The following SLC22A7 variants were observed in gnomAD, a reference collection of about 807,000 sequenced individuals.
SLC22A7 encodes the protein solute carrier family 22 member 7.
SLC22A7 carries 48 observed loss-of-function variants against 62.2 expected under a neutral mutation model. The observed-to-expected ratio is 0.77, with a 90% CI of 0.61 to 0.98. SLC22A7 has a LOEUF of 0.98. SLC22A7 is among the 50% of genes least tolerant of loss of function. The pLI, the probability that SLC22A7 is intolerant of heterozygous loss-of-function variation, is 0.00. For missense variants in SLC22A7, 581 were observed against 703.8 expected (o/e 0.83, Z 1.97); for synonymous variants, 276 against 314.8 (o/e 0.88, Z 1.30).
In SLC22A7 at chr6:43,301,231, A is replaced by C. The variant is rs773152838; in HGVS notation, c.924A>C (p.Pro308=). The part of the protein sequence containing the change: ...LLHCARLNGR[P]VCEDSFSQEA... ...ACTGTGCCAGGCTCAATGGGCGGCC[A>C]GTGTGTGAGGACAGCTTCAGCCAGG... Residue 308 remains proline (P), a synonymous_variant, in exon 6 of 11, where the codon CCA becomes CCC. Coordinates refer to ENST00000372585, the MANE Select transcript of SLC22A7 (RefSeq NM_153320.2). 1 of 1,614,188 alleles carries C rather than the reference A, an allele frequency of 6.2e-7. No individual in the cohort carries two copies. Among genetic ancestry groups the C allele is most frequent in the East Asian group, 2.2e-5 (1 of 44,890 alleles).
chr6:43,304,745 C>G lies in SLC22A7; in HGVS notation c.*20C>G. On this transcript the variant is annotated 3_prime_UTR_variant, in exon 11 of 11. Coordinates refer to ENST00000372585, the MANE Select transcript of SLC22A7 (RefSeq NM_153320.2). Reference sequence around the variant, plus strand: ...AACTAAGTGGGAGTGGAGGCAGGCCCTCCACAGAAGCTCTGCAGCAGGGGC... The same window carrying G: ...AACTAAGTGGGAGTGGAGGCAGGCCGTCCACAGAAGCTCTGCAGCAGGGGC... The G allele has an allele frequency of 6.5e-7, 1 of 1,543,928 alleles. No individual in the cohort carries two copies. The highest frequency in any genetic ancestry group is 8.8e-7 in the Non-Finnish European group (1 of 1,137,516).
At position 43,298,413 on chromosome 6, in the gene SLC22A7, C is replaced by T. The variant is rs751135607; in HGVS notation, c.55C>T (p.Arg19Trp). 46 of 1,613,916 alleles carry T rather than the reference C, an allele frequency of 2.9e-5. No individual in the cohort carries two copies. Among genetic ancestry groups the T allele is most frequent in the Non-Finnish European group, 3.5e-5 (41 of 1,180,002 alleles). The change falls in exon 1 of 11, where the codon CGG (arginine) becomes TGG (tryptophan). Residue 19 changes from arginine to tryptophan, a missense_variant. Physicochemically the swap from Arg to Trp is moderately radical, Grantham distance 101. Coordinates refer to ENST00000372585, the MANE Select transcript of SLC22A7 (RefSeq NM_153320.2). Reference sequence around the variant, plus strand: ...GGGCGGCTTTGGGCCCTTCCAACTGCGGAATGTGGCACTGCTGGCCCTGCC... The same window carrying T: ...GGGCGGCTTTGGGCCCTTCCAACTGTGGAATGTGGCACTGCTGGCCCTGCC... The part of the protein sequence containing the change: ...QVGGFGPFQL[R>W]NVALLALPRV...
At chr6:43,301,355 G>A in intron 6 of SLC22A7, 97 bp downstream of exon 6, 1 of 1,546,148 alleles carries the variant, frequency 6.5e-7, no homozygotes, top group South Asian at 1.2e-5. Flanking sequence ...TATATGGCAG[G>A]AAAAGCCCCT....
At chr6:43,304,518 CAG>C in intron 10 of SLC22A7, 151 bp from the exon 11 acceptor site, 1 of 652,618 alleles carries the variant, frequency 1.5e-6, no homozygotes, top group Non-Finnish European at 2.7e-6. Flanking sequence ...GCCTACACAT[CAG>C]GGGTGTGTAC....
In SLC22A7 at chr6:43,298,304, A is replaced by G. The variant is rs1016661212; in HGVS notation, c.-55A>G. 3 of 1,496,624 alleles carry G rather than the reference A, an allele frequency of 2.0e-6. No individual in the cohort carries two copies. Among genetic ancestry groups the G allele is most frequent in the Admixed American group, 3.7e-5 (2 of 54,558 alleles). The allele number at this position is 1,496,624 out of a possible 1,614,324, so 92.7% of individuals were successfully genotyped here. Reference sequence around the variant, plus strand: ...AAGGGTCTATGTGGTGGGCAGTTTGAGCTGGCTGGATACTAGAGGGAGGCT... The same window carrying G: ...AAGGGTCTATGTGGTGGGCAGTTTGGGCTGGCTGGATACTAGAGGGAGGCT... On this transcript the variant is annotated 5_prime_UTR_variant, in exon 1 of 11. The change abolishes the stop of an existing upstream ORF in the 5' untranslated region. Coordinates refer to ENST00000372585, the MANE Select transcript of SLC22A7 (RefSeq NM_153320.2).
rs754974310 is a variant in SLC22A7 at position 43,298,696 on chromosome 6, GCT to G, written c.342_343del (p.Gln115GlyfsTer16). The G allele has an allele frequency of 6.5e-7, 1 of 1,543,440 alleles. No homozygotes were observed. The highest frequency in any genetic ancestry group is 8.7e-7 in the Non-Finnish European group (1 of 1,144,422). ...GAGGATGAACCTGCCACAGTGCCCTGCTCTCAGGGCTGGGAGTACGACCACTC... is the reference window on the plus strand; with the variant it reads ...GAGGATGAACCTGCCACAGTGCCCTGCTCAGGGCTGGGAGTACGACCACTC... On this transcript the variant is annotated frameshift_variant, in exon 1 of 11. Coordinates refer to ENST00000372585, the MANE Select transcript of SLC22A7 (RefSeq NM_153320.2). LOFTEE classifies it high-confidence loss of function.
chr6:43,300,186 C>A, intron 5 of SLC22A7, 120 bp downstream of exon 5: 2 of 1,022,228 alleles, frequency 2.0e-6, no homozygotes, highest in Non-Finnish European at 2.8e-6. Context: ...ACGAAGTGAC[C>A]AAGAGACAGA....
intron 5 of SLC22A7, 63 bp downstream of exon 5, chr6:43,300,129 G>T: frequency 6.5e-7 from 1 of 1,545,320 alleles, no homozygotes; most frequent in South Asian, 1.1e-5. Flanking sequence ...ATTAATCAGA[G>T]CCTGAGATTT....
chr6:43,300,627 G>C (rs70953683), intron 5 of SLC22A7, among the ~76,000 whole-genome samples: 1 of 152,048 alleles, frequency 6.6e-6, no homozygotes, highest in Non-Finnish European at 1.5e-5. Flanking sequence ...GTGGGAAGAG[G>C]TGTTTTATTT....
At chr6:43,301,550 C>G in intron 6 of SLC22A7, 33 bp from the exon 7 acceptor site, 1 of 1,547,050 alleles carries the variant, frequency 6.5e-7, no homozygotes, top group Non-Finnish European at 8.9e-7. Flanking sequence ...ATAGCCAACT[C>G]TGATGTTACA....
rs1388984511 is a variant in SLC22A7 at position 43,298,380 on chromosome 6, G to A, written c.22G>A (p.Glu8Lys). Residue 8 changes from glutamate (E) to lysine (K), a missense_variant, in exon 1 of 11, where the codon GAG (glutamate) becomes AAG (lysine). Glu to Lys is a moderately conservative substitution (Grantham distance 56). Coordinates refer to ENST00000372585, the MANE Select transcript of SLC22A7 (RefSeq NM_153320.2). MGFEELL[E>K]QVGGFGPFQL... ...CAGCATGGGCTTTGAGGAGCTGCTG[G>A]AGCAGGTGGGCGGCTTTGGGCCCTT... 6.2e-7 allele frequency: 1 copy of A among 1,612,816 alleles called. No homozygotes were observed. Among genetic ancestry groups the A allele is most frequent in the Non-Finnish European group, 8.5e-7 (1 of 1,179,200 alleles).
chr6:43,301,232 G>C lies in SLC22A7; in HGVS notation c.925G>C (p.Val309Leu). 6.2e-7 allele frequency: 1 copy of C among 1,614,220 alleles called. No individual in the cohort carries two copies. Among genetic ancestry groups the C allele is most frequent in the Middle Eastern group, 1.6e-4 (1 of 6,062 alleles). Residue 309 changes from valine (V) to leucine (L), a missense_variant, in exon 6 of 11, where the codon GTG becomes CTG. Physicochemically the swap from Val to Leu is conservative, Grantham distance 32. Transcript: ENST00000372585. Reference protein sequence around the residue: ...LHCARLNGRPVCEDSFSQEAV... With the variant: ...LHCARLNGRPLCEDSFSQEAV... ...CTGTGCCAGGCTCAATGGGCGGCCA[G>C]TGTGTGAGGACAGCTTCAGCCAGGA...
At chr6:43,298,162 A>G (rs1212844024), upstream of SLC22A7, 1 of 561,308 alleles carries the variant, frequency 1.8e-6, no homozygotes, top group East Asian at 3.0e-5. Context: ...ACCAGGCAAG[A>G]CAGGTAGAGG....
In SLC22A7 at chr6:43,303,484, AAATAAT is replaced by A. The variant is rs57761051; in HGVS notation, c.1386-542_1386-537del. 2.4e-3 allele frequency among the ~76,000 whole-genome samples: 356 copies of A among 147,906 alleles called. 1 individual carries two copies. The highest frequency in any genetic ancestry group is 8.2e-3 in the African/African-American group (329 of 39,936). ...AATACATAAATAAAAGAAAAAAATTAAATAATAATAATAATAAGAAGAAGAAAACAG... is the reference window on the plus strand; with the variant it reads ...AATACATAAATAAAAGAAAAAAATTAAATAATAATAAGAAGAAGAAAACAG... On this transcript the variant is annotated intron_variant, in intron 9 of 10. Coordinates refer to ENST00000372585, the MANE Select transcript of SLC22A7 (RefSeq NM_153320.2).
chr6:43,299,484 T>C lies in SLC22A7; in HGVS notation c.494T>C (p.Leu165Pro), dbSNP rs1456817113. The change falls in exon 3 of 11, where the codon CTG becomes CCG. Residue 165 changes from leucine (L) to proline (P), a missense_variant. Physicochemically the swap from Leu to Pro is moderately conservative, Grantham distance 98 (BLOSUM62 -3). Coordinates refer to ENST00000372585, the MANE Select transcript of SLC22A7 (RefSeq NM_153320.2). This position sits in a 1 kb window ranked among gnomAD's most constrained non-coding sequence, Gnocchi z 4.4. Reference protein sequence around the residue: ...VLVGAVAFGYLSDRFGRRRLL... With the variant: ...VLVGAVAFGYPSDRFGRRRLL... ...GTGGGGGCTGTGGCCTTTGGATATC[T>C]GTCCGACAGGTGGGGTGAGGCACTG... 3.1e-6 allele frequency: 5 copies of C among 1,612,004 alleles called. No homozygotes were observed. Among genetic ancestry groups the C allele is most frequent in the Non-Finnish European group, 4.2e-6 (5 of 1,178,696 alleles).
In SLC22A7 at chr6:43,304,813, A is replaced by G; in HGVS notation, c.*88A>G. 1 of 1,092,870 alleles carries G rather than the reference A, an allele frequency of 9.2e-7. No homozygotes were observed. Among genetic ancestry groups the G allele is most frequent in the Non-Finnish European group, 1.3e-6 (1 of 773,466 alleles). The allele number at this position is 1,092,870 out of a possible 1,614,324, so 67.7% of individuals were successfully genotyped here. ...AGGCCCTGCAACTCAGGCTGGGAGTATCGAACCCTCTGCCTAGGGCCGGAG... is the reference window on the plus strand; with the variant it reads ...AGGCCCTGCAACTCAGGCTGGGAGTGTCGAACCCTCTGCCTAGGGCCGGAG... On this transcript the variant is annotated 3_prime_UTR_variant, in exon 11 of 11. Transcript: ENST00000372585.
chr6:43,298,513 C>T lies in SLC22A7; in HGVS notation c.155C>T (p.Pro52Leu), dbSNP rs766980028. The T allele has an allele frequency of 1.7e-5, 27 of 1,613,462 alleles. No homozygotes were observed. The highest frequency in any genetic ancestry group is 2.2e-5 in the East Asian group (1 of 44,898). Residue 52 changes from proline (P) to leucine (L), a missense_variant, in exon 1 of 11, where the codon CCG becomes CTG. Coordinates refer to ENST00000372585, the MANE Select transcript of SLC22A7 (RefSeq NM_153320.2). The stretch of plus-strand genomic sequence containing the variant: ...GTGCCTGCCCACCGATGTGCCCTGC[C>T]GGGTGCCCCTGCCAACTTCAGCCAT... ...AAVPAHRCAL[P>L]GAPANFSHQD...
chr6:43,303,950 CT>C, intron 9 of SLC22A7, 87 bp from the exon 10 acceptor site: 1 of 1,119,610 alleles, frequency 8.9e-7, no homozygotes, highest in Non-Finnish European at 1.2e-6. Flanking sequence ...GTATCAGGGC[CT>C]GCCAGCCCTG....
rs1000227416 is a variant in SLC22A7, at chr6:43,301,500, A to G, written c.952-83A>G. 3.0e-5 allele frequency: 35 copies of G among 1,175,940 alleles called. No individual in the cohort carries two copies. The South Asian group carries it at 4.2e-4, about 14-fold the overall frequency. The allele number at this position is 1,175,940 out of a possible 1,614,324, so 72.8% of individuals were successfully genotyped here. On this transcript the variant is annotated intron_variant, in intron 6 of 10. Transcript: ENST00000372585. ...CCACCACTGCAGATGGGAGGAATAG[A>G]GAGGGGTGGGGGGAGAGTACTGTGT... is the stretch of plus-strand genomic sequence containing the variant.
Sources: allele counts gnomAD v4.1 joint callset (sites outside exome capture counted in the v4.1 genomes callset), GRCh38; gene constraint gnomAD v4.1.1; non-coding constraint Gnocchi (gnomAD v3.1); transcripts MANE v1.5; gene names NCBI Gene and HGNC (gene_info 2026-07-23, HGNC 2026-07-21).